The following TSNARE1 variants were observed in gnomAD, a reference collection of about 807,000 sequenced individuals.
The protein encoded by TSNARE1 is t-SNARE domain-containing protein 1.
In TSNARE1, 49 loss-of-function variants were observed where a neutral mutation model predicts 62.0. That is an observed-to-expected ratio of 0.79 (90% confidence interval 0.63 to 1.00). The LOEUF (loss-of-function observed/expected upper bound fraction) is 1.00. Among genes scored for constraint, TSNARE1 ranks in the 50% least tolerant of loss-of-function variants. The pLI is 0.00. For synonymous variants in TSNARE1, 328 were observed against 294.4 expected, an observed-to-expected ratio of 1.11 and a Z score of -1.17; for missense variants, 755 against 700.1, an observed-to-expected ratio of 1.08 and a Z score of -0.88.
At chr8:142,262,769 C>A (rs1315131544) in intron 12 of TSNARE1, among the ~76,000 whole-genome samples, 1 of 152,194 alleles carries the variant, frequency 6.6e-6, no homozygotes, top group Non-Finnish European at 1.5e-5. Context: ...GAGGCCTCCC[C>A]AGAAGCAGAA....
chr8:142,333,255 G>A (rs575981058), intron 4 of TSNARE1, among the ~76,000 whole-genome samples: 29 of 152,294 alleles, frequency 1.9e-4, no homozygotes, highest in African/African-American at 3.4e-4. Flanking sequence ...GTAAAGCAGC[G>A]TTCAGAAGGA....
At chr8:142,305,553 G>C (rs971085990) in intron 9 of TSNARE1, among the ~76,000 whole-genome samples, 1 of 152,154 alleles carries the variant, frequency 6.6e-6, no homozygotes, top group Admixed American at 6.5e-5. Flanking sequence ...GGGAGGATCG[G>C]GGGCCTGGTG....
At chr8:142,237,458 G>A (rs1247957653) in intron 12 of TSNARE1, among the ~76,000 whole-genome samples, 4 of 152,168 alleles carry the variant, frequency 2.6e-5, no homozygotes, top group African/African-American at 4.8e-5. Flanking sequence ...CCACCCAAAG[G>A]GCCTGGCACA....
At chr8:142,389,836 C>T (rs1288064036) in intron 1 of TSNARE1, among the ~76,000 whole-genome samples, 2 of 152,342 alleles carry the variant, frequency 1.3e-5, no homozygotes, top group African/African-American at 2.4e-5. Flanking sequence ...TCATTCTTTG[C>T]TTAACCATAG....
At chr8:142,296,451 T>C (rs1385561135) in intron 10 of TSNARE1, among the ~76,000 whole-genome samples, 1 of 17,274 alleles carries the variant, frequency 5.8e-5, no homozygotes, top group East Asian at 1.6e-3. Context: ...GTCACTGTCA[T>C]GGGGGAGAGG....
intron 10 of TSNARE1, among the ~76,000 whole-genome samples, chr8:142,285,351 G>T (rs1407823703): frequency 6.8e-6 from 1 of 146,848 alleles, no homozygotes; most frequent in Non-Finnish European, 1.5e-5. Flanking sequence ...TGGGTGAGTA[G>T]ATGGATGGGT....
At chr8:142,269,618 T>C in intron 12 of TSNARE1, 1 of 985,368 alleles carries the variant, frequency 1.0e-6, no homozygotes, top group South Asian at 4.7e-5. Flanking sequence ...CATGAGCCAC[T>C]GTGCCCAGGC....
chr8:142,364,647 G>A (rs530820446), intron 1 of TSNARE1, among the ~76,000 whole-genome samples: 8 of 152,270 alleles, frequency 5.3e-5, no homozygotes, highest in African/African-American at 1.9e-4. Context: ...CTGGATCATG[G>A]AGCATGCTGT....
At chr8:142,366,071 C>CTGT (rs1835529295) in intron 1 of TSNARE1, 1 of 347,630 alleles carries the variant, frequency 2.9e-6, no homozygotes, top group South Asian at 2.2e-5. Flanking sequence ...TTTGAGAAGG[C>CTGT]TGTTGACCAG....
chr8:142,223,051 T>C (rs62650716), intron 13 of TSNARE1, among the ~76,000 whole-genome samples: 2 of 107,930 alleles, frequency 1.9e-5, no homozygotes, highest in African/African-American at 6.9e-5. Context: ...CACTCACTCA[T>C]TCACTCATTC....
At position 142,270,141 on chromosome 8, in the gene TSNARE1, G is replaced by A. The variant is rs540456838; in HGVS notation, c.1446+4640C>T. ...CTGGTCCCACCTCCCGCTCCTGCTCGCTCCCGACGGCTGCCTAGGCTGGGG... is the reference window on the plus strand; with the variant it reads ...CTGGTCCCACCTCCCGCTCCTGCTCACTCCCGACGGCTGCCTAGGCTGGGG... On this transcript the variant is annotated intron_variant, in intron 12 of 13. Coordinates refer to ENST00000524325, the MANE Select transcript of TSNARE1 (RefSeq NM_145003.5). The A allele has an allele frequency of 4.1e-5, 40 of 985,426 alleles. No homozygotes were observed. In the East Asian group the frequency reaches 1.6e-3, roughly 39 times the overall value. The allele number at this position is 985,426 out of a possible 1,614,324, so 61.0% of individuals were successfully genotyped here.
intron 1 of TSNARE1, among the ~76,000 whole-genome samples, chr8:142,376,172 AT>A (rs899887605): frequency 6.6e-6 from 1 of 152,148 alleles, no homozygotes; most frequent in African/African-American, 2.4e-5. Context: ...TGCAGGAGCA[AT>A]TTGCACCCCG....
intron 1 of TSNARE1, among the ~76,000 whole-genome samples, chr8:142,364,373 T>C (rs1835384604): frequency 6.6e-6 from 1 of 152,140 alleles, no homozygotes; most frequent in Admixed American, 6.5e-5. Context: ...CACAGAGAAA[T>C]ACAGATATAG....
chr8:142,382,328 A>T (rs759577177), intron 1 of TSNARE1, among the ~76,000 whole-genome samples: 5 of 152,154 alleles, frequency 3.3e-5, no homozygotes, highest in Admixed American at 6.5e-5. Context: ...ACCGATCGCT[A>T]ACGGCACAAA....
chr8:142,386,505 C>T (rs918891859), intron 1 of TSNARE1, among the ~76,000 whole-genome samples: 5 of 151,884 alleles, frequency 3.3e-5, no homozygotes, highest in Non-Finnish European at 7.4e-5. Flanking sequence ...ATGTAGGTTA[C>T]CTATCAATAA....
intron 10 of TSNARE1, among the ~76,000 whole-genome samples, chr8:142,295,011 G>A (rs1241155346): frequency 2.0e-5 from 3 of 152,182 alleles, no homozygotes; most frequent in East Asian, 1.9e-4. Context: ...GCTCCAGCCC[G>A]GACCAGCACC....
At chr8:142,332,798 C>T (rs1167974094) in intron 4 of TSNARE1, among the ~76,000 whole-genome samples, 4 of 152,220 alleles carry the variant, frequency 2.6e-5, no homozygotes, top group South Asian at 2.1e-4. Context: ...GCTGCCTGCC[C>T]GCCCTCCAGC....
chr8:142,399,617 C>T (rs1838142622), intron 1 of TSNARE1, among the ~76,000 whole-genome samples: 1 of 152,198 alleles, frequency 6.6e-6, no homozygotes, highest in Non-Finnish European at 1.5e-5. Context: ...CATGAGCTCT[C>T]CAACTCTCTC....
intron 1 of TSNARE1, among the ~76,000 whole-genome samples, chr8:142,361,362 C>T (rs747592441): frequency 6.6e-5 from 10 of 152,246 alleles, no homozygotes; most frequent in Non-Finnish European, 1.5e-4. Context: ...GCCCCGACAA[C>T]TTGGGCTGCA....
Sources: gnomAD v4.1 joint callset for allele counts (sites outside exome capture counted in the v4.1 genomes callset) on GRCh38, gnomAD v4.1.1 for gene constraint, MANE v1.5 for transcripts, NCBI Gene and HGNC (gene_info 2026-07-23, HGNC 2026-07-21) for gene names.